The following CYP7B1 variants were observed in gnomAD, a reference collection of about 807,000 sequenced individuals.
CYP7B1 encodes cytochrome P450 family 7 subfamily B member 1, also known as cytochrome P450 7B1.
CYP7B1 carries 29 observed loss-of-function variants against 42.7 expected under a neutral mutation model. The ratio of observed to expected loss-of-function variants is 0.68; its 90% CI spans 0.51 to 0.93. The LOEUF (loss-of-function observed/expected upper bound fraction) is 0.93. Among genes scored for constraint, CYP7B1 ranks in the 40% least tolerant of loss-of-function variants. The probability of loss-of-function intolerance (pLI) is 0.00; values close to 1 mark genes in which losing one functional copy is unlikely to be tolerated. For synonymous variants in CYP7B1, 235 were observed against 218.2 expected, an observed-to-expected ratio of 1.08 and a Z score of -0.68; for missense variants, 655 against 600.5, an observed-to-expected ratio of 1.09 and a Z score of -0.95.
intron 1 of CYP7B1, among the ~76,000 whole-genome samples, chr8:64,632,365 T>C (rs1449269917): frequency 6.6e-6 from 1 of 152,104 alleles, no homozygotes; most frequent in Non-Finnish European, 1.5e-5. Context: ...ATATCTACGA[T>C]AGCCAATTTC....
intron 1 of CYP7B1, among the ~76,000 whole-genome samples, chr8:64,768,292 G>A (rs1416913463): frequency 1.3e-5 from 2 of 151,768 alleles, no homozygotes; most frequent in Non-Finnish European, 2.9e-5. Flanking sequence ...GCAAGGAGGG[G>A]CAACCCCCTC....
chr8:64,680,260 C>T (rs1200830019), intron 1 of CYP7B1, among the ~76,000 whole-genome samples: 2 of 151,988 alleles, frequency 1.3e-5, no homozygotes, highest in Non-Finnish European at 2.9e-5. Flanking sequence ...GTTGCACATG[C>T]TTACTTTAGT....
rs12550147 is a variant in CYP7B1 at position 64,693,595 on chromosome 8, A to G, written c.123-69056T>C. On this transcript the variant is annotated intron_variant, in intron 1 of 5. Transcript: ENST00000310193. ...TTATCTTTTACCTTTCAAAAGAAGT[A>G]CAAAAATAACCATGTGCTTAAAGTT... Among the ~76,000 whole-genome samples the G allele has an allele frequency of 6.3e-3, 956 of 152,362 alleles. 48 individuals carry two copies. The highest frequency in any genetic ancestry group is 0.057 in the Admixed American group (873 of 15,304).
chr8:64,604,986 G>A (rs552412654), intron 4 of CYP7B1, 129 bp from the exon 5 acceptor site: 1 of 1,101,034 alleles, frequency 9.1e-7, no homozygotes, highest in Non-Finnish European at 1.3e-6. Context: ...CACATACATT[G>A]AGCACCAAGA....
intron 1 of CYP7B1, among the ~76,000 whole-genome samples, chr8:64,693,172 T>C (rs996564219): frequency 6.6e-6 from 1 of 152,260 alleles, no homozygotes; most frequent in African/African-American, 2.4e-5. Flanking sequence ...GACAGAGTAC[T>C]GTCATGCAGA....
chr8:64,768,066 G>A (rs1026144197), intron 1 of CYP7B1, among the ~76,000 whole-genome samples: 5 of 152,136 alleles, frequency 3.3e-5, no homozygotes, highest in Admixed American at 2.6e-4. Context: ...TTCCTAAGTC[G>A]ACTAAGAATT....
At chr8:64,717,233 A>T (rs568652359) in intron 1 of CYP7B1, among the ~76,000 whole-genome samples, 4 of 151,716 alleles carry the variant, frequency 2.6e-5, no homozygotes, top group Admixed American at 6.5e-5. Flanking sequence ...CATGTGCACA[A>T]CGTGCAGGTT....
At chr8:64,782,403 G>A (rs1360456648) in intron 1 of CYP7B1, among the ~76,000 whole-genome samples, 1 of 152,088 alleles carries the variant, frequency 6.6e-6, no homozygotes, top group African/African-American at 2.4e-5. Flanking sequence ...TCCACATGAG[G>A]GCACAGTGAA....
chr8:64,653,213 T>C (rs1206007596), intron 1 of CYP7B1, among the ~76,000 whole-genome samples: 1 of 152,158 alleles, frequency 6.6e-6, no homozygotes, highest in Non-Finnish European at 1.5e-5. Context: ...ATCCAGGAGT[T>C]GGTTTCTTGA....
In CYP7B1 at chr8:64,596,753, A is replaced by G. The variant is rs770091185; in HGVS notation, c.1410T>C (p.Phe470=). ...GCTTATCATCAATTATTTCTAAATC[A>G]AAATAAGTTAAAAGTATAACCAACA... ...KQLLVILLTY[F]DLEIIDDKPI... is the part of the protein sequence containing the mutation. The change falls in exon 6 of 6, where the codon TTT becomes TTC. Residue 470 remains phenylalanine, a synonymous_variant. Coordinates refer to ENST00000310193, the MANE Select transcript of CYP7B1 (RefSeq NM_004820.5). The G allele has an allele frequency of 6.2e-7, 1 of 1,613,976 alleles. No individual in the cohort carries two copies. Among genetic ancestry groups the G allele is most frequent in the South Asian group, 1.1e-5 (1 of 91,050 alleles).
Position 64,671,700 on chromosome 8 carries a change from T to C in CYP7B1, c.123-47161A>G, listed in dbSNP as rs535797758. On this transcript the variant is annotated intron_variant, in intron 1 of 5. Coordinates refer to ENST00000310193, the MANE Select transcript of CYP7B1 (RefSeq NM_004820.5). ...CCACAGGCCAACTGCTTAACATAAA[T>C]TATATACATATACAATACAATAAAT... 5.9e-5 allele frequency among the ~76,000 whole-genome samples: 9 copies of C among 152,218 alleles called. No homozygotes were observed. In the South Asian group the frequency reaches 1.5e-3, roughly 25 times the overall value.
rs992105436 is a variant in CYP7B1, at chr8:64,592,933, A to C, written c.*3709T>G. Among the ~76,000 whole-genome samples, 5 of 152,204 alleles carry C rather than the reference A, an allele frequency of 3.3e-5. No homozygotes were observed. The highest frequency in any genetic ancestry group is 7.3e-5 in the Non-Finnish European group (5 of 68,030). On this transcript the variant is annotated 3_prime_UTR_variant, in exon 6 of 6. Coordinates refer to ENST00000310193, the MANE Select transcript of CYP7B1 (RefSeq NM_004820.5). ...AGTTACTGGATTTAAGACTGTCACA[A>C]GATTCTCAATGTTTTGTTTTGGTTC...
At chr8:64,795,668 T>G (rs944533212) in intron 1 of CYP7B1, among the ~76,000 whole-genome samples, 27 of 152,342 alleles carry the variant, frequency 1.8e-4, no homozygotes, top group African/African-American at 6.3e-4. Context: ...GATTCCCATC[T>G]CTCTCACACA....
chr8:64,675,714 G>A (rs1408152084), intron 1 of CYP7B1, among the ~76,000 whole-genome samples: 1 of 152,086 alleles, frequency 6.6e-6, no homozygotes, highest in African/African-American at 2.4e-5. Flanking sequence ...GTTGAAATGT[G>A]GAATTTGAGA....
At chr8:64,784,352 T>C (rs952598905) in intron 1 of CYP7B1, among the ~76,000 whole-genome samples, 1 of 152,174 alleles carries the variant, frequency 6.6e-6, no homozygotes, top group Non-Finnish European at 1.5e-5. Context: ...GCCACTATAT[T>C]CCACCATGAT....
intron 1 of CYP7B1, among the ~76,000 whole-genome samples, chr8:64,697,488 G>A (rs1316564262): frequency 6.6e-6 from 1 of 152,154 alleles, no homozygotes; most frequent in African/African-American, 2.4e-5. Context: ...CTAGGATAGT[G>A]CCAGGCACAG....
intron 1 of CYP7B1, among the ~76,000 whole-genome samples, chr8:64,716,660 T>C (rs988833863): frequency 6.6e-6 from 1 of 152,072 alleles, no homozygotes; most frequent in East Asian, 1.9e-4. Flanking sequence ...TGAGCCAAGA[T>C]CACGCCACTG....
chr8:64,735,750 A>T (rs1451804720), intron 1 of CYP7B1, among the ~76,000 whole-genome samples: 1 of 152,174 alleles, frequency 6.6e-6, no homozygotes, highest in East Asian at 1.9e-4. Flanking sequence ...TGAGAATGGG[A>T]TCTGTGGGAC....
intron 1 of CYP7B1, among the ~76,000 whole-genome samples, chr8:64,628,810 A>G (rs960314769): frequency 6.6e-6 from 1 of 152,252 alleles, no homozygotes; most frequent in Non-Finnish European, 1.5e-5. Context: ...AAAAGAGTAG[A>G]CCAACACAGA....
Sources: allele counts gnomAD v4.1 joint callset (sites outside exome capture counted in the v4.1 genomes callset), GRCh38; gene constraint gnomAD v4.1.1; transcripts MANE v1.5; gene names NCBI Gene and HGNC (gene_info 2026-07-23, HGNC 2026-07-21).